The following PEBP4 variants were observed in gnomAD, a reference collection of about 807,000 sequenced individuals.
PEBP4 encodes phosphatidylethanolamine binding protein 4.
Under a neutral mutation model 23.9 loss-of-function variants are expected in PEBP4, and 22 were observed. The observed-to-expected ratio is 0.92, with a 90% CI of 0.66 to 1.31. The LOEUF is 1.31. PEBP4 is among the 40% of genes most tolerant of loss of function. The probability of loss-of-function intolerance (pLI) is 0.00; values close to 1 mark genes in which losing one functional copy is unlikely to be tolerated. For missense variants in PEBP4, 324 were observed against 281.7 expected (o/e 1.15, Z -1.07); for synonymous variants, 112 against 99.3 (o/e 1.13, Z -0.76).
chr8:22,916,731 A>G (rs1280800977), intron 3 of PEBP4, among the ~76,000 whole-genome samples: 3 of 152,258 alleles, frequency 2.0e-5, no homozygotes, highest in Non-Finnish European at 2.9e-5. Context: ...GTCAGCCAGC[A>G]TGGCATCTGA....
chr8:22,738,299 C>T (rs114115675), intron 4 of PEBP4, among the ~76,000 whole-genome samples: 2 of 152,278 alleles, frequency 1.3e-5, no homozygotes, highest in African/African-American at 2.4e-5. Flanking sequence ...CAGACACAGG[C>T]GGGCTCGGCT....
chr8:22,935,612 T>A (rs1345607134), intron 1 of PEBP4, among the ~76,000 whole-genome samples: 1 of 152,192 alleles, frequency 6.6e-6, no homozygotes, highest in African/African-American at 2.4e-5. Context: ...TATGGAATAC[T>A]ACAAGTGAAA....
intron 3 of PEBP4, among the ~76,000 whole-genome samples, chr8:22,850,826 T>C (rs1585306239): frequency 1.3e-5 from 2 of 151,878 alleles, no homozygotes; most frequent in Admixed American, 6.6e-5. Flanking sequence ...CAGGGAGGGG[T>C]AGGAGGAAGG....
chr8:22,727,347 T>C (rs62494331), intron 4 of PEBP4, 127 bp from the exon 5 acceptor site: 6 of 915,516 alleles, frequency 6.6e-6, no homozygotes, highest in East Asian at 2.6e-5. Context: ...GGAGAAGAAG[T>C]AGGATGGGAG....
At chr8:22,867,773 C>G (rs1209807898) in intron 3 of PEBP4, among the ~76,000 whole-genome samples, 1 of 152,222 alleles carries the variant, frequency 6.6e-6, no homozygotes, top group Non-Finnish European at 1.5e-5. Context: ...AATTCACCAT[C>G]TGCCACTTCA....
chr8:22,857,749 T>C (rs1807686428), intron 3 of PEBP4, among the ~76,000 whole-genome samples: 1 of 152,152 alleles, frequency 6.6e-6, no homozygotes, highest in South Asian at 2.1e-4. Flanking sequence ...TACTGAAGCA[T>C]TCCTCATAAG....
chr8:22,735,899 A>G (rs889041114), intron 4 of PEBP4, among the ~76,000 whole-genome samples: 5 of 152,276 alleles, frequency 3.3e-5, no homozygotes, highest in African/African-American at 7.2e-5. Context: ...TGTTCCTTGT[A>G]GAAAAATTGT....
chr8:22,809,388 C>T (rs1806569350), intron 4 of PEBP4, among the ~76,000 whole-genome samples: 1 of 152,162 alleles, frequency 6.6e-6, no homozygotes, highest in South Asian at 2.1e-4. Flanking sequence ...TGCCACCAAT[C>T]TCAAACCAAA....
At chr8:22,713,991 G>C (rs1474207017) in intron 6 of PEBP4, among the ~76,000 whole-genome samples, 1 of 152,264 alleles carries the variant, frequency 6.6e-6, no homozygotes, top group African/African-American at 2.4e-5. Flanking sequence ...TGCTGCTGGG[G>C]CTGAGATTGG....
intron 1 of PEBP4, among the ~76,000 whole-genome samples, chr8:22,935,575 G>C (rs937178511): frequency 6.6e-6 from 1 of 152,130 alleles, no homozygotes; most frequent in Non-Finnish European, 1.5e-5. Context: ...ATTCTGAAAT[G>C]CTTCAAGATT....
At chr8:22,898,612 C>T (rs553836856) in intron 3 of PEBP4, among the ~76,000 whole-genome samples, 7 of 152,076 alleles carry the variant, frequency 4.6e-5, no homozygotes, top group Non-Finnish European at 8.8e-5. Context: ...CATTCATGCC[C>T]GAGGGAATGT....
intron 4 of PEBP4, among the ~76,000 whole-genome samples, chr8:22,742,275 A>G (rs564116635): frequency 6.6e-6 from 1 of 152,378 alleles, no homozygotes; most frequent in South Asian, 2.1e-4. Context: ...TTAATCTGCC[A>G]GCTCTTGCGC....
At chr8:22,751,610 CTG>C (rs1318478495) in intron 4 of PEBP4, among the ~76,000 whole-genome samples, 27 of 78,856 alleles carry the variant, frequency 3.4e-4, no homozygotes, top group Non-Finnish European at 6.0e-4. Flanking sequence ...GTGTGTGTGT[CTG>C]TGTGTGTGTG....
chr8:22,796,795 T>C (rs1216237822), intron 4 of PEBP4, among the ~76,000 whole-genome samples: 1 of 151,312 alleles, frequency 6.6e-6, no homozygotes, highest in Non-Finnish European at 1.5e-5. Flanking sequence ...CTCTAATAGG[T>C]GGGAGGGAGG....
chr8:22,739,944 T>C (rs1804954635), intron 4 of PEBP4, among the ~76,000 whole-genome samples: 1 of 152,316 alleles, frequency 6.6e-6, no homozygotes, highest in African/African-American at 2.4e-5. Context: ...GAGCCTCGAC[T>C]GTGGCTCTTT....
chr8:22,856,047 CAAAAAAAAAA>C (rs34409506), intron 3 of PEBP4, among the ~76,000 whole-genome samples: 1 of 91,664 alleles, frequency 1.1e-5, no homozygotes, highest in African/African-American at 4.6e-5. Context: ...GACCCTGTCT[CAAAAAAAAAA>C]AAAAAAAAAA....
intron 3 of PEBP4, 98 bp downstream of exon 3, chr8:22,920,086 G>A: frequency 6.8e-7 from 1 of 1,479,586 alleles, no homozygotes; most frequent in Non-Finnish European, 9.2e-7. Context: ...AACCCAGATG[G>A]CTCTGCACGC....
chr8:22,748,108 G>T (rs1041110758), intron 4 of PEBP4, among the ~76,000 whole-genome samples: 2 of 152,198 alleles, frequency 1.3e-5, no homozygotes, highest in Non-Finnish European at 2.9e-5. Flanking sequence ...GCACACACCC[G>T]GGCAGGGAGG....
chr8:22,786,413 G>C (rs779363551), intron 4 of PEBP4, among the ~76,000 whole-genome samples: 6 of 152,066 alleles, frequency 3.9e-5, no homozygotes, highest in Non-Finnish European at 8.8e-5. Context: ...CTCCTGAATA[G>C]CTGGGACTAC....
Sources: allele counts gnomAD v4.1 joint callset (sites outside exome capture counted in the v4.1 genomes callset), GRCh38; gene constraint gnomAD v4.1.1; transcripts MANE v1.5; gene names NCBI Gene and HGNC (gene_info 2026-07-23, HGNC 2026-07-21).